LRP6: variants seen among roughly 807,000 people sequenced by gnomAD.
LRP6 encodes the protein low-density lipoprotein receptor-related protein 6.
A neutral mutation model predicts 184.1 loss-of-function variants in LRP6; 43 were observed. The ratio of observed to expected loss-of-function variants is 0.23; its 90% CI spans 0.18 to 0.30. The LOEUF (loss-of-function observed/expected upper bound fraction) is 0.30, where lower values mean the gene tolerates loss of function less well. LRP6 is among the 10% of genes least tolerant of loss of function. The pLI is 1.00. For missense variants in LRP6, 1,571 were observed against 2,005.3 expected (o/e 0.78, Z 4.14); for synonymous variants, 719 against 684.9 (o/e 1.05, Z -0.78).
chr12:12,150,189 A>G (rs1950063172), intron 13 of LRP6, among the ~76,000 whole-genome samples: 1 of 152,184 alleles, frequency 6.6e-6, no homozygotes, highest in Non-Finnish European at 1.5e-5. Context: ...AGAAGTATCG[A>G]TAGTGATGTG....
At chr12:12,264,574 ATG>A (rs1750627707) in intron 1 of LRP6, among the ~76,000 whole-genome samples, 3 of 152,200 alleles carry the variant, frequency 2.0e-5, no homozygotes, top group Admixed American at 6.5e-5. Context: ...CACCCAGCCA[ATG>A]TTAAAGCCCC....
At chr12:12,254,409 T>C (rs576614424) in intron 1 of LRP6, among the ~76,000 whole-genome samples, 2 of 152,318 alleles carry the variant, frequency 1.3e-5, no homozygotes, top group African/African-American at 4.8e-5. Context: ...GCTGATGCCT[T>C]AGCGTCCTAT....
chr12:12,261,775 C>T (rs1865622297), intron 1 of LRP6, among the ~76,000 whole-genome samples: 1 of 152,114 alleles, frequency 6.6e-6, no homozygotes. Flanking sequence ...ATTGCCACTC[C>T]AAAATTTGTT....
intron 11 of LRP6, among the ~76,000 whole-genome samples, 171 bp downstream of exon 11, chr12:12,159,609 C>G (rs1021881967): frequency 6.6e-6 from 1 of 152,006 alleles, no homozygotes; most frequent in African/African-American, 2.4e-5. Flanking sequence ...AAAGATGAAT[C>G]CAAGTACCTG....
chr12:12,209,663 A>G (rs1565653037), intron 2 of LRP6, among the ~76,000 whole-genome samples: 1 of 152,244 alleles, frequency 6.6e-6, no homozygotes, highest in Non-Finnish European at 1.5e-5. Context: ...CGATTAGGAC[A>G]CAGAAAATTT....
At chr12:12,188,104 C>T (rs1435663588) in intron 3 of LRP6, among the ~76,000 whole-genome samples, 2 of 150,730 alleles carry the variant, frequency 1.3e-5, no homozygotes, top group African/African-American at 4.9e-5. Flanking sequence ...CCCAGACACT[C>T]GGAAGGCTGA....
intron 12 of LRP6, among the ~76,000 whole-genome samples, chr12:12,154,330 A>C (rs913727233): frequency 6.6e-6 from 1 of 152,152 alleles, no homozygotes; most frequent in East Asian, 1.9e-4. Flanking sequence ...TTTTTCAGTA[A>C]GAACTTCCCT....
chr12:12,179,779 T>C (rs576853368), intron 7 of LRP6, 31 bp downstream of exon 7: 5 of 1,610,734 alleles, frequency 3.1e-6, no homozygotes, highest in South Asian at 1.1e-5. Context: ...ATTATAAAAG[T>C]GGCTTGAAAA....
chr12:12,249,670 CAGAAGGAAGGAAGGAAGGAAGGAAGGAA>C (rs1185596500), intron 1 of LRP6, among the ~76,000 whole-genome samples: 25 of 117,246 alleles, frequency 2.1e-4, no homozygotes, highest in African/African-American at 9.2e-4. Flanking sequence ...TGTGCTATAA[CAGAAGGAAGGAAGGAAGGAAGGAAGGAA>C]GGAAGGAAGG....
At chr12:12,189,128 A>T (rs1029524199) in intron 3 of LRP6, among the ~76,000 whole-genome samples, 1 of 152,232 alleles carries the variant, frequency 6.6e-6, no homozygotes, top group Non-Finnish European at 1.5e-5. Flanking sequence ...AAAATCCCTA[A>T]AAGCTATATT....
intron 9 of LRP6, among the ~76,000 whole-genome samples, chr12:12,163,753 C>T (rs1379479886): frequency 6.6e-6 from 1 of 152,188 alleles, no homozygotes; most frequent in Non-Finnish European, 1.5e-5. Flanking sequence ...AAGACTATGG[C>T]TTGCAGATTT....
At chr12:12,139,733 G>A (rs1351635490) in intron 15 of LRP6, among the ~76,000 whole-genome samples, 2 of 151,458 alleles carry the variant, frequency 1.3e-5, no homozygotes, top group Non-Finnish European at 2.9e-5. Context: ...AAAAAAAAAA[G>A]AAAGAAAGAA....
intron 2 of LRP6, among the ~76,000 whole-genome samples, chr12:12,239,235 A>T (rs1864998892): frequency 3.3e-5 from 5 of 152,240 alleles, no homozygotes; most frequent in Admixed American, 3.3e-4. Context: ...AGTGCTTTAA[A>T]GCAAGATCCA....
chr12:12,178,597 T>C (rs1863252518), intron 7 of LRP6, among the ~76,000 whole-genome samples: 1 of 152,156 alleles, frequency 6.6e-6, no homozygotes, highest in Non-Finnish European at 1.5e-5. Context: ...CTGACCAAAA[T>C]GAAGCTAAAA....
At chr12:12,160,442 T>A (rs1862711589) in intron 10 of LRP6, among the ~76,000 whole-genome samples, 1 of 152,306 alleles carries the variant, frequency 6.6e-6, no homozygotes, top group East Asian at 1.9e-4. Flanking sequence ...CAGAAGTACA[T>A]GAAAGGTAAT....
At chr12:12,132,093 C>T in intron 17 of LRP6, 36 bp from the exon 18 acceptor site, 1 of 1,377,686 alleles carries the variant, frequency 7.3e-7, no homozygotes, top group Non-Finnish European at 1.0e-6. Flanking sequence ...GTGACAAAAA[C>T]ACAATCATGG....
At position 12,144,639 on chromosome 12, in the gene LRP6, TCAAA is replaced by T. The variant is rs1187145947; in HGVS notation, c.3397+2723_3397+2726del. Among the ~76,000 whole-genome samples the T allele has an allele frequency of 2.0e-5, 3 of 152,196 alleles. No homozygotes were observed. The East Asian group carries it at 5.8e-4, about 29-fold the overall frequency. ...CTGGGTGACAGGGCAAAACCCTTTC[TCAAA>T]CAAAAATAAAAACAAAAGATAGTTT... On this transcript the variant is annotated intron_variant, in intron 15 of 22. Transcript: ENST00000261349.
Position 12,164,508 on chromosome 12 carries a change from C to T in LRP6, c.1817G>A (p.Arg606Lys). The T allele has an allele frequency of 6.2e-7, 1 of 1,614,108 alleles. No individual in the cohort carries two copies. Among genetic ancestry groups the T allele is most frequent in the Non-Finnish European group, 8.5e-7 (1 of 1,180,014 alleles). ...NGGCSHLCLY[R>K]PQGLRCACPI... ...GCAAGCACAGCGAAGGCCCTGAGGT[C>T]TATAGAGGCAGAGATGGCTACATCC... Residue 606 changes from arginine (R) to lysine (K), a missense_variant, in exon 9 of 23, where the codon AGA becomes AAA. This residue lies in a region of LRP6 where 640 missense variants were observed against 851.9 expected (regional missense o/e 0.75). Transcript: ENST00000261349.
At chr12:12,209,451 TAA>T (rs1240961530) in intron 2 of LRP6, among the ~76,000 whole-genome samples, 2 of 152,176 alleles carry the variant, frequency 1.3e-5, no homozygotes, top group Non-Finnish European at 2.9e-5. Context: ...AAGACCCAGA[TAA>T]AGATTCCAAC....
Sources: gnomAD v4.1 joint callset for allele counts (sites outside exome capture counted in the v4.1 genomes callset) on GRCh38, gnomAD v4.1.1 for gene constraint, gnomAD v4.1.1 regional missense constraint, MANE v1.5 for transcripts, NCBI Gene and HGNC (gene_info 2026-07-23, HGNC 2026-07-21) for gene names.